Variants in TIA1 observed in about 807,000 individuals in gnomAD.
The protein encoded by TIA1 is TIA1 cytotoxic granule associated RNA binding protein, also known as cytotoxic granule associated RNA binding protein TIA1.
A neutral mutation model predicts 65.9 loss-of-function variants in TIA1; 23 were observed. The ratio of observed to expected loss-of-function variants is 0.35; its 90% confidence interval spans 0.25 to 0.49. The LOEUF (loss-of-function observed/expected upper bound fraction) is 0.49, where lower values mean the gene tolerates loss of function less well. Ranked by LOEUF, TIA1 falls within the 20% of genes least tolerant of loss-of-function variation. TIA1 has a pLI of 0.98. For missense variants in TIA1, 371 were observed against 477.9 expected (o/e 0.78, Z 2.09); for synonymous variants, 147 against 149.4 (o/e 0.98, Z 0.12).
At chr2:70,230,901 A>G (rs753706587) in intron 2 of TIA1, 47 bp from the exon 3 acceptor site, 48 of 1,444,534 alleles carry the variant, frequency 3.3e-5, no homozygotes, top group Non-Finnish European at 4.1e-5. Flanking sequence ...TTATTCACCC[A>G]TTACCTTAAA....
chr2:70,224,237 G>C (rs1682837132), intron 7 of TIA1, among the ~76,000 whole-genome samples: 1 of 152,110 alleles, frequency 6.6e-6, no homozygotes, highest in Non-Finnish European at 1.5e-5. Flanking sequence ...TATTTTATTA[G>C]CTACTTTTAA....
chr2:70,211,889 G>T lies in TIA1; in HGVS notation c.*830C>A, dbSNP rs1295337473. On this transcript the variant is annotated 3_prime_UTR_variant, in exon 13 of 13. Coordinates refer to ENST00000433529, the MANE Select transcript of TIA1 (RefSeq NM_022173.4). ...GACACATGAAATTAACATGGCATAA[G>T]AACTTATCACATTTCAGATATTTTC... 6.6e-6 allele frequency: 1 copy of T among 152,464 alleles called. No homozygotes were observed. Among genetic ancestry groups the T allele is most frequent in the Non-Finnish European group, 1.5e-5 (1 of 68,026 alleles). 9.4% of individuals were successfully genotyped at this position (152,464 alleles called of 1,614,324 possible).
At chr2:70,212,880 G>T in intron 12 of TIA1, 35 bp from the exon 13 acceptor site, 2 of 1,375,726 alleles carry the variant, frequency 1.5e-6, no homozygotes, top group South Asian at 1.2e-5. Context: ...GAGGGGAGAG[G>T]AAATCCACTG....
intron 2 of TIA1, among the ~76,000 whole-genome samples, chr2:70,232,269 G>A (rs1686757178): frequency 6.7e-6 from 1 of 149,614 alleles, no homozygotes; most frequent in South Asian, 2.1e-4. Flanking sequence ...AGCCAGGCAT[G>A]ATGGCTCACA....
intron 11 of TIA1, among the ~76,000 whole-genome samples, chr2:70,214,974 G>GA (rs889968431): frequency 1.3e-5 from 2 of 151,582 alleles, no homozygotes; most frequent in Non-Finnish European, 2.9e-5. Flanking sequence ...AAGCTGCCTG[G>GA]AAAAAAAAGG....
At position 70,216,511 on chromosome 2, in the gene TIA1, A is replaced by G. The variant is rs759468158; in HGVS notation, c.584-12T>C. 6.2e-7 allele frequency: 1 copy of G among 1,607,198 alleles called. No individual in the cohort carries two copies. Among genetic ancestry groups the G allele is most frequent in the Non-Finnish European group, 8.5e-7 (1 of 1,175,142 alleles). Reference sequence around the variant, plus strand: ...CTGTTTGGTATTTGCTGGTGAGAGAAAAGGTTTATGTCTTTAATTCATTAA... The same window carrying G: ...CTGTTTGGTATTTGCTGGTGAGAGAGAAGGTTTATGTCTTTAATTCATTAA... On this transcript the variant is annotated splice_polypyrimidine_tract_variant and intron_variant, in intron 8 of 12. Coordinates refer to ENST00000433529, the MANE Select transcript of TIA1 (RefSeq NM_022173.4).
chr2:70,222,658 G>A (rs980032866), intron 7 of TIA1, among the ~76,000 whole-genome samples: 3 of 152,238 alleles, frequency 2.0e-5, no homozygotes, highest in Non-Finnish European at 2.9e-5. Flanking sequence ...GCTCACGCCT[G>A]TAATCCCAGC....
chr2:70,214,288 T>C (rs531549278), intron 12 of TIA1, 61 bp downstream of exon 12: 2 of 1,534,340 alleles, frequency 1.3e-6, no homozygotes, highest in African/African-American at 1.4e-5. Flanking sequence ...AATTTCTTCC[T>C]ACTTAAAATT....
intron 3 of TIA1, among the ~76,000 whole-genome samples, chr2:70,230,410 C>T (rs1001904871): frequency 2.6e-5 from 4 of 151,920 alleles, no homozygotes; most frequent in African/African-American, 9.7e-5. Flanking sequence ...CAACACTTTG[C>T]GAAGCCGAGG....
At chr2:70,243,477 ATATAC>A (rs1416546107) in intron 1 of TIA1, among the ~76,000 whole-genome samples, 1 of 152,162 alleles carries the variant, frequency 6.6e-6, no homozygotes, top group African/African-American at 2.4e-5. Context: ...GTGCTTGTGT[ATATAC>A]TATACATCAG....
chr2:70,220,819 A>C (rs770424580), intron 7 of TIA1, among the ~76,000 whole-genome samples: 3 of 151,762 alleles, frequency 2.0e-5, no homozygotes, highest in African/African-American at 4.8e-5. Context: ...ATAGCCAAGA[A>C]ATGGGGATAC....
chr2:70,230,623 G>A, intron 3 of TIA1, 133 bp downstream of exon 3: 1 of 602,528 alleles, frequency 1.7e-6, no homozygotes, highest in Non-Finnish European at 2.8e-6. Flanking sequence ...TTGCACTCCA[G>A]ATTGGGCAAC....
intron 2 of TIA1, among the ~76,000 whole-genome samples, chr2:70,233,014 A>T (rs566201111): frequency 4.6e-5 from 7 of 152,246 alleles, no homozygotes; most frequent in Non-Finnish European, 1.0e-4. Flanking sequence ...ATCAAATGAC[A>T]TTATAGGCCA....
rs539036374 is a variant in TIA1, at chr2:70,222,207, A to G, written c.474+2347T>C. On this transcript the variant is annotated intron_variant, in intron 7 of 12. Coordinates refer to ENST00000433529, the MANE Select transcript of TIA1 (RefSeq NM_022173.4). ...CTCAAAGTCCTTGAAAAGGCAAGAG[A>G]GATGGGGACACAATCATAAGTGATT... Among the ~76,000 whole-genome samples, 16 of 152,168 alleles carry G rather than the reference A, an allele frequency of 1.1e-4. 1 individual carries two copies. The South Asian group carries it at 2.3e-3, about 22-fold the overall frequency.
chr2:70,215,277 C>T (rs1171208884), intron 11 of TIA1, 94 bp downstream of exon 11: 1 of 1,521,436 alleles, frequency 6.6e-7, no homozygotes, highest in African/African-American at 1.4e-5. Flanking sequence ...ATCATTTTAG[C>T]TAGAAACTTA....
At chr2:70,243,724 T>C (rs1692937142) in intron 1 of TIA1, among the ~76,000 whole-genome samples, 1 of 152,222 alleles carries the variant, frequency 6.6e-6, no homozygotes. Flanking sequence ...TAACTGATAT[T>C]ACACATTTTA....
chr2:70,237,179 G>A (rs576961792), intron 1 of TIA1, among the ~76,000 whole-genome samples: 2 of 152,296 alleles, frequency 1.3e-5, no homozygotes, highest in Admixed American at 6.5e-5. Context: ...AAGGTGGGAA[G>A]ATCACCTGAG....
At chr2:70,239,300 G>A (rs1690619600) in intron 1 of TIA1, among the ~76,000 whole-genome samples, 1 of 152,082 alleles carries the variant, frequency 6.6e-6, no homozygotes, top group Non-Finnish European at 1.5e-5. Context: ...CACCATGTTA[G>A]CCAGGATGGT....
At chr2:70,232,208 CAAAAAAAAAAAAAA>C (rs11427986) in intron 2 of TIA1, among the ~76,000 whole-genome samples, 1 of 63,916 alleles carries the variant, frequency 1.6e-5, no homozygotes, top group Non-Finnish European at 2.9e-5. Flanking sequence ...GACTCTGTCT[CAAAAAAAAAAAAAA>C]AAAGAAAAAA....
Sources: allele counts gnomAD v4.1 joint callset (sites outside exome capture counted in the v4.1 genomes callset), GRCh38; gene constraint gnomAD v4.1.1; transcripts MANE v1.5; gene names NCBI Gene and HGNC (gene_info 2026-07-23, HGNC 2026-07-21).